The following SCN9A variants were observed in gnomAD, a reference collection of about 807,000 sequenced individuals.
SCN9A encodes sodium voltage-gated channel alpha subunit 9.
Under a neutral mutation model 187.0 loss-of-function variants are expected in SCN9A, and 131 were observed. The ratio of observed to expected loss-of-function variants is 0.70; its 90% CI spans 0.61 to 0.81. The LOEUF (loss-of-function observed/expected upper bound fraction) is 0.81, where lower values mean the gene tolerates loss of function less well. Ranked by LOEUF, SCN9A falls within the 30% of genes least tolerant of loss-of-function variation. The probability of loss-of-function intolerance (pLI) is 0.00; values close to 1 mark genes in which losing one functional copy is unlikely to be tolerated. For missense variants in SCN9A, 2,252 were observed against 2,396.6 expected, an observed-to-expected ratio of 0.94 and a Z score of 1.26; for synonymous variants, 809 against 808.6, an observed-to-expected ratio of 1.00 and a Z score of -0.01.
At position 166,303,093 on chromosome 2, in the gene SCN9A, TA is replaced by T; in HGVS notation, c.897del (p.Phe299LeufsTer33). 1 of 1,588,602 alleles carries T rather than the reference TA, an allele frequency of 6.3e-7. No homozygotes were observed. The highest frequency in any genetic ancestry group is 8.6e-7 in the Non-Finnish European group (1 of 1,162,304). ...IMNTLESEED[F>X]RKYFYYLEGS... ...ACAAATGCAAGGACATTCTTACTTC[TA>T]AAGTCTTCTTCACTCTCTAGGGTAT... On this transcript the variant is annotated frameshift_variant, in exon 7 of 27. Coordinates refer to ENST00000642356, the MANE Select transcript of SCN9A (RefSeq NM_001365536.1). LOFTEE classifies it high-confidence loss of function.
chr2:166,265,700 C>T (rs186276537), intron 17 of SCN9A, among the ~76,000 whole-genome samples: 1 of 152,012 alleles, frequency 6.6e-6, no homozygotes, highest in African/African-American at 2.4e-5. Flanking sequence ...TAAGGATTCC[C>T]TTTTCTCCAT....
At chr2:166,357,887 A>C (rs1460231774) in intron 1 of SCN9A, among the ~76,000 whole-genome samples, 1 of 152,084 alleles carries the variant, frequency 6.6e-6, no homozygotes, top group Non-Finnish European at 1.5e-5. Flanking sequence ...CAAGGAGGTT[A>C]TTGGTATATT....
Position 166,255,095 on chromosome 2 carries a change from C to T in SCN9A, c.3352-3210G>A, listed in dbSNP as rs940334117. ...CTTGATTCAACCCCCTTGAGGTAAT[C>T]GAGAGAGAGAAAAAGAGAGAGAGGA... is the stretch of plus-strand genomic sequence containing the variant. On this transcript the variant is annotated intron_variant, in intron 17 of 26. Coordinates refer to ENST00000642356, the MANE Select transcript of SCN9A (RefSeq NM_001365536.1). 3.5e-5 allele frequency among the ~76,000 whole-genome samples: 5 copies of T among 144,704 alleles called. 1 individual carries two copies. The highest frequency in any genetic ancestry group is 4.4e-4 in the South Asian group (2 of 4,534). 94.9% of individuals were successfully genotyped at this position (144,704 alleles called of 152,430 possible). A position where few individuals can be genotyped will look rare whatever the true frequency, so the allele number is the denominator to read the frequency against.
chr2:166,245,345 C>T (rs996800501), intron 18 of SCN9A, among the ~76,000 whole-genome samples: 5 of 151,752 alleles, frequency 3.3e-5, no homozygotes, highest in Non-Finnish European at 5.9e-5. Context: ...TTTTTATTTT[C>T]CTTGGAGAAC....
chr2:166,352,031 C>T (rs766206300), intron 1 of SCN9A, among the ~76,000 whole-genome samples: 9 of 152,126 alleles, frequency 5.9e-5, no homozygotes, highest in Non-Finnish European at 1.2e-4. Flanking sequence ...CATTCTATGG[C>T]GTTTCTTAAG....
At chr2:166,308,750 G>A (rs1190734660) in intron 2 of SCN9A, among the ~76,000 whole-genome samples, 2 of 151,668 alleles carry the variant, frequency 1.3e-5, no homozygotes, top group African/African-American at 2.4e-5. Context: ...GTGAATCCCC[G>A]TCTCTACTAA....
intron 1 of SCN9A, among the ~76,000 whole-genome samples, chr2:166,342,370 G>C (rs994524327): frequency 6.6e-6 from 1 of 152,252 alleles, no homozygotes; most frequent in African/African-American, 2.4e-5. Flanking sequence ...CCCCTTCAAT[G>C]TGCCAATGGT....
chr2:166,298,919 G>A (rs767242654), intron 7 of SCN9A: 1 of 152,098 alleles, frequency 6.6e-6, no homozygotes, highest in Non-Finnish European at 1.5e-5. Flanking sequence ...TATATATAAT[G>A]CATTCTCATC....
At chr2:166,328,490 G>A (rs1397702227) in intron 1 of SCN9A, among the ~76,000 whole-genome samples, 1 of 151,948 alleles carries the variant, frequency 6.6e-6, no homozygotes, top group Non-Finnish European at 1.5e-5. Flanking sequence ...CATGATATAT[G>A]CATTTTTATT....
At chr2:166,363,042 A>G (rs189262728) in intron 1 of SCN9A, among the ~76,000 whole-genome samples, 1 of 152,140 alleles carries the variant, frequency 6.6e-6, no homozygotes, top group Admixed American at 6.5e-5. Flanking sequence ...AACCTCCACA[A>G]GGATTGTCTA....
intron 14 of SCN9A, 140 bp from the exon 15 acceptor site, chr2:166,278,453 C>A: frequency 1.4e-6 from 1 of 701,492 alleles, no homozygotes; most frequent in Non-Finnish European, 2.2e-6. Flanking sequence ...TCTTATCTAA[C>A]TTAGTCCTGT....
At chr2:166,273,303 C>A (rs1178530750) in intron 16 of SCN9A, among the ~76,000 whole-genome samples, 1 of 152,156 alleles carries the variant, frequency 6.6e-6, no homozygotes, top group Admixed American at 6.6e-5. Context: ...ACAATTGTGA[C>A]TATTTTCTAT....
chr2:166,305,766 C>G, intron 5 of SCN9A, 26 bp downstream of exon 5: 3 of 1,612,830 alleles, frequency 1.9e-6, no homozygotes, highest in Non-Finnish European at 2.5e-6. Flanking sequence ...ATAAATTTGC[C>G]GTTTCAAAAA....
At position 166,199,822 on chromosome 2, in the gene SCN9A, G is replaced by A; in HGVS notation, c.4817C>T (p.Pro1606Leu). 2 of 1,613,916 alleles carry A rather than the reference G, an allele frequency of 1.2e-6. No individual in the cohort carries two copies. The change falls in exon 27 of 27, where the codon CCT becomes CTT. Residue 1606 changes from proline to leucine, a missense_variant. Around this residue, in one of 7 missense-constraint regions of SCN9A, gnomAD observed 84 missense variants for 134.2 expected, o/e 0.63. Coordinates refer to ENST00000642356, the MANE Select transcript of SCN9A (RefSeq NM_001365536.1). ...AAGACGGATCACTCGGAACAGGGTA[G>A]GGGACACAAAATACGTTTCAATCAA... ...ADLIETYFVS[P>L]TLFRVIRLAR...
intron 1 of SCN9A, among the ~76,000 whole-genome samples, chr2:166,366,653 C>A (rs1296376479): frequency 6.6e-6 from 1 of 152,278 alleles, no homozygotes; most frequent in South Asian, 2.1e-4. Flanking sequence ...CTCAACAACA[C>A]CTTTCACTTT....
chr2:166,196,016 A>C lies in SCN9A; in HGVS notation c.*2656T>G, dbSNP rs1284711302. On this transcript the variant is annotated 3_prime_UTR_variant, in exon 27 of 27. Transcript: ENST00000642356. The stretch of plus-strand genomic sequence containing the variant: ...AGCTATGATCATGCCATTGCACTCT[A>C]GCCTGGGTGACAGAGCGAGACCTGG... 6.6e-6 allele frequency: 1 copy of C among 152,186 alleles called. No homozygotes were observed. The highest frequency in any genetic ancestry group is 1.5e-5 in the Non-Finnish European group (1 of 68,064). 9.4% of individuals were successfully genotyped at this position (152,186 alleles called of 1,614,324 possible).
chr2:166,274,700 ATGAG>A, intron 16 of SCN9A, among the ~76,000 whole-genome samples: 1 of 152,232 alleles, frequency 6.6e-6, no homozygotes, highest in South Asian at 2.1e-4. Context: ...GAATAATAAT[ATGAG>A]TTAGTTAACA....
At chr2:166,253,809 T>A (rs973054207) in intron 17 of SCN9A, among the ~76,000 whole-genome samples, 5 of 151,918 alleles carry the variant, frequency 3.3e-5, no homozygotes, top group Admixed American at 2.0e-4. Context: ...GTGAGAGGAA[T>A]TGCTGATAGA....
At chr2:166,371,332 T>C (rs898009458) in intron 1 of SCN9A, among the ~76,000 whole-genome samples, 1 of 152,240 alleles carries the variant, frequency 6.6e-6, no homozygotes, top group African/African-American at 2.4e-5. Flanking sequence ...TTACTGGCAC[T>C]GTTCAAGGCA....
Sources: gnomAD v4.1 joint callset for allele counts (sites outside exome capture counted in the v4.1 genomes callset) on GRCh38, gnomAD v4.1.1 for gene constraint, gnomAD v4.1.1 regional missense constraint, MANE v1.5 for transcripts, NCBI Gene and HGNC (gene_info 2026-07-23, HGNC 2026-07-21) for gene names.